MIB1: variants seen among roughly 807,000 people sequenced by gnomAD.
MIB1 encodes MIB E3 ubiquitin protein ligase 1.
MIB1 carries 278 observed loss-of-function variants against 124.5 expected under a neutral mutation model. That is an observed-to-expected ratio of 2.23 (90% CI 2.02 to 2.47). The LOEUF (loss-of-function observed/expected upper bound fraction) is 2.47, where lower values mean the gene tolerates loss of function less well. MIB1 is among the 30% of genes most tolerant of loss of function. MIB1 has a pLI of 0.00. For missense variants in MIB1, 957 were observed against 1,254.4 expected, an observed-to-expected ratio of 0.76 and a Z score of 3.58; for synonymous variants, 446 against 429.4, an observed-to-expected ratio of 1.04 and a Z score of -0.48.
chr18:21,838,588 T>C, intron 13 of MIB1, 91 bp downstream of exon 13: 1 of 1,052,362 alleles, frequency 9.5e-7, no homozygotes, highest in Non-Finnish European at 1.3e-6. Flanking sequence ...CTTTATAAAT[T>C]GCCTATTAGT....
At chr18:21,795,367 TATAA>T (rs963854488) in intron 7 of MIB1, among the ~76,000 whole-genome samples, 2 of 143,756 alleles carry the variant, frequency 1.4e-5, no homozygotes, top group Non-Finnish European at 3.0e-5. Flanking sequence ...ATACATAATA[TATAA>T]ATATATATTT....
chr18:21,747,638 GAAAT>G (rs2040926199), intron 1 of MIB1, among the ~76,000 whole-genome samples: 1 of 152,300 alleles, frequency 6.6e-6, no homozygotes, highest in African/African-American at 2.4e-5. Flanking sequence ...GTGTACAACT[GAAAT>G]AAAGGAGCAT....
At chr18:21,742,953 A>T (rs528269935) in intron 1 of MIB1, among the ~76,000 whole-genome samples, 8 of 152,260 alleles carry the variant, frequency 5.3e-5, no homozygotes, top group East Asian at 3.9e-4. Context: ...ATTAAAAAAA[A>T]TTTTTGTTTT....
intron 1 of MIB1, among the ~76,000 whole-genome samples, chr18:21,743,485 G>A (rs895991274): frequency 1.3e-5 from 2 of 152,190 alleles, no homozygotes; most frequent in Non-Finnish European, 2.9e-5. Context: ...TATGTGTTGA[G>A]TATTTCTGAA....
chr18:21,784,752 T>C (rs2041414644), intron 6 of MIB1, among the ~76,000 whole-genome samples: 1 of 152,128 alleles, frequency 6.6e-6, no homozygotes, highest in Non-Finnish European at 1.5e-5. Context: ...AGAGGGCTCG[T>C]TGGTCTAGTG....
upstream of MIB1, among the ~76,000 whole-genome samples, chr18:21,739,977 C>T (rs1165839784): frequency 6.6e-6 from 1 of 151,820 alleles, no homozygotes; most frequent in Non-Finnish European, 1.5e-5. Flanking sequence ...TATTTCAGTA[C>T]ATAGTAATTC....
At chr18:21,805,786 T>G (rs907852009) in intron 10 of MIB1, among the ~76,000 whole-genome samples, 4 of 152,088 alleles carry the variant, frequency 2.6e-5, no homozygotes. Context: ...ATTATTCATA[T>G]ATTTGCGTTT....
intron 11 of MIB1, chr18:21,817,803 G>A: frequency 3.5e-6 from 1 of 289,634 alleles, no homozygotes; most frequent in South Asian, 3.0e-5. Flanking sequence ...CAGTGACTGG[G>A]GAGACAAACC....
At chr18:21,782,869 G>A (rs1227780315) in intron 6 of MIB1, among the ~76,000 whole-genome samples, 1 of 152,134 alleles carries the variant, frequency 6.6e-6, no homozygotes, top group Non-Finnish European at 1.5e-5. Flanking sequence ...AAAGTTAAAT[G>A]TTGAAATGTC....
chr18:21,788,822 A>G (rs1206969785), intron 6 of MIB1, among the ~76,000 whole-genome samples: 1 of 152,204 alleles, frequency 6.6e-6, no homozygotes, highest in Non-Finnish European at 1.5e-5. Context: ...TACACTAACA[A>G]TGAACAATAT....
chr18:21,785,482 C>G (rs2041424397), intron 6 of MIB1, among the ~76,000 whole-genome samples: 1 of 152,132 alleles, frequency 6.6e-6, no homozygotes, highest in South Asian at 2.1e-4. Flanking sequence ...CAAAGAAAAT[C>G]AAACAAAGGA....
rs898538193 is a variant in MIB1, at chr18:21,870,084, G to C, written c.*5418G>C. 1.3e-5 allele frequency: 2 copies of C among 152,408 alleles called. No homozygotes were observed. Among genetic ancestry groups the C allele is most frequent in the Non-Finnish European group, 2.9e-5 (2 of 67,944 alleles). 9.4% of individuals were successfully genotyped at this position (152,408 alleles called of 1,614,324 possible). ...ATGGCAAATGATTTCTTGCTTATTAGCTTTTGTTAAAGAATGCTTAGTAAG... is the reference window on the plus strand; with the variant it reads ...ATGGCAAATGATTTCTTGCTTATTACCTTTTGTTAAAGAATGCTTAGTAAG... On this transcript the variant is annotated 3_prime_UTR_variant, in exon 21 of 21. Coordinates refer to ENST00000261537, the MANE Select transcript of MIB1 (RefSeq NM_020774.4).
At chr18:21,818,902 T>C (rs913475322) in intron 11 of MIB1, among the ~76,000 whole-genome samples, 1 of 152,000 alleles carries the variant, frequency 6.6e-6, no homozygotes, top group African/African-American at 2.4e-5. Flanking sequence ...GCTATTGTAC[T>C]CCAGCCTGAG....
intron 12 of MIB1, chr18:21,826,050 T>C (rs1486847476): frequency 4.2e-6 from 1 of 237,770 alleles, no homozygotes; most frequent in Admixed American, 5.5e-5. Flanking sequence ...TTTCTAATCT[T>C]GTCCACAGCC....
intron 2 of MIB1, among the ~76,000 whole-genome samples, chr18:21,766,937 A>G (rs1598600130): frequency 6.6e-6 from 1 of 152,266 alleles, no homozygotes; most frequent in South Asian, 2.1e-4. Context: ...AACAAAACAA[A>G]AATCTCCAAA....
intron 1 of MIB1, among the ~76,000 whole-genome samples, chr18:21,717,962 A>G (rs2040697141): frequency 6.6e-6 from 1 of 152,222 alleles, no homozygotes; most frequent in East Asian, 1.9e-4. Context: ...TAGCAGCACA[A>G]TTCACAATTG....
chr18:21,736,778 T>A (rs1441682657), upstream of MIB1, among the ~76,000 whole-genome samples: 5 of 151,926 alleles, frequency 3.3e-5, no homozygotes, highest in Non-Finnish European at 5.9e-5. Context: ...AGACTGAAGA[T>A]CAACTCAATG....
chr18:21,794,443 C>T (rs913075935), intron 7 of MIB1, among the ~76,000 whole-genome samples: 10 of 55,904 alleles, frequency 1.8e-4, no homozygotes, highest in African/African-American at 7.6e-4. Context: ...ATTAAATAGC[C>T]TCTCTCTCTC....
At position 21,761,453 on chromosome 18, in the gene MIB1, A is replaced by G. The variant is rs575405624; in HGVS notation, c.230-4319A>G. Among the ~76,000 whole-genome samples, 9 of 152,318 alleles carry G rather than the reference A, an allele frequency of 5.9e-5. No homozygotes were observed. The East Asian group carries it at 1.7e-3, about 29-fold the overall frequency. ...TCTGTTTTATATAGGCATTATACAC[A>G]GTTCTATTCCTGGAAGACCAAATGT... On this transcript the variant is annotated intron_variant, in intron 1 of 20. Transcript: ENST00000261537.
Sources: gnomAD v4.1 joint callset for allele counts (sites outside exome capture counted in the v4.1 genomes callset) on GRCh38, gnomAD v4.1.1 for gene constraint, MANE v1.5 for transcripts, NCBI Gene and HGNC (gene_info 2026-07-23, HGNC 2026-07-21) for gene names.